Variants in ANKFN1 observed in about 807,000 individuals in gnomAD.
The protein encoded by ANKFN1 is ankyrin repeat and fibronectin type III domain containing 1.
A neutral mutation model predicts 108.7 loss-of-function variants in ANKFN1; 74 were observed. That is an observed-to-expected ratio of 0.68 (90% CI 0.56 to 0.83). The LOEUF is 0.83. ANKFN1 is among the 40% of genes least tolerant of loss of function. The probability of loss-of-function intolerance (pLI) is 0.00; values close to 1 mark genes in which losing one functional copy is unlikely to be tolerated. For synonymous variants in ANKFN1, 547 were observed against 516.2 expected (o/e 1.06, Z -0.81); for missense variants, 1,505 against 1,382.3 (o/e 1.09, Z -1.41).
intron 8 of ANKFN1, among the ~76,000 whole-genome samples, chr17:56,420,534 A>G (rs2048367845): frequency 6.6e-6 from 1 of 152,172 alleles, no homozygotes; most frequent in African/African-American, 2.4e-5. Flanking sequence ...AATTATACCT[A>G]GGGTGCAGGT....
At position 56,319,928 on chromosome 17, in the gene ANKFN1, T is replaced by G. The variant is rs1052874236; in HGVS notation, c.54-6293T>G. On this transcript the variant is annotated intron_variant, in intron 3 of 20. Coordinates refer to ENST00000682825, the MANE Select transcript of ANKFN1 (RefSeq NM_001370326.1). Reference sequence around the variant, plus strand: ...ATGTATTATATTTCTTATTATATTATTATACATATTATGTATTATTTCTTA... The same window carrying G: ...ATGTATTATATTTCTTATTATATTAGTATACATATTATGTATTATTTCTTA... 3.3e-5 allele frequency among the ~76,000 whole-genome samples: 5 copies of G among 152,264 alleles called. No homozygotes were observed. The East Asian group carries it at 9.6e-4, about 29-fold the overall frequency.
chr17:56,350,965 G>A lies in ANKFN1; in HGVS notation c.388G>A (p.Val130Met). 2.5e-6 allele frequency: 4 copies of A among 1,613,124 alleles called. No homozygotes were observed. Among genetic ancestry groups the A allele is most frequent in the Non-Finnish European group, 3.4e-6 (4 of 1,179,596 alleles). ...TCGGCTGAGTCTCAGGAAGACCTCG[G>A]TGGTAACAAAACTGTTTTTATTCTT... ...TDRLSLRKTS[V>M]NFQGNEAMFE... is the part of the protein sequence containing the mutation. The change falls in exon 5 of 21, where the codon GTG becomes ATG. Residue 130 changes from valine to methionine, a missense_variant and splice_region_variant. Transcript: ENST00000682825.
rs1003313194 is a variant in ANKFN1 at position 56,512,808 on chromosome 17, C to T, written c.*1539C>T. 2.0e-5 allele frequency among the ~76,000 whole-genome samples: 3 copies of T among 152,202 alleles called. No homozygotes were observed. The highest frequency in any genetic ancestry group is 4.1e-4 in the South Asian group (2 of 4,830). Reference sequence around the variant, plus strand: ...GATTTAAACATAAATAATTACCCTGCTGCAAAGGTACAGATTTGGCCCATG... The same window carrying T: ...GATTTAAACATAAATAATTACCCTGTTGCAAAGGTACAGATTTGGCCCATG... On this transcript the variant is annotated 3_prime_UTR_variant, in exon 21 of 21. Transcript: ENST00000682825.
At chr17:56,416,760 G>T (rs551921906) in intron 8 of ANKFN1, among the ~76,000 whole-genome samples, 4 of 152,300 alleles carry the variant, frequency 2.6e-5, no homozygotes, top group African/African-American at 7.2e-5. Context: ...GCACTCCCAT[G>T]CTTGTTGCAG....
At chr17:56,079,998 G>A (rs9895591) in intron 4 of ANKFN1, among the ~76,000 whole-genome samples, 6,335 of 152,184 alleles carry the variant, frequency 0.042, 432 homozygotes, top group African/African-American at 0.15. Context: ...TCACAAAAGC[G>A]GAGAGATGAA....
chr17:56,478,724 G>GA (rs143829540), intron 16 of ANKFN1, among the ~76,000 whole-genome samples: 17,634 of 145,656 alleles, frequency 0.12, 1,534 homozygotes, highest in African/African-American at 0.25. Flanking sequence ...GAATAGACAA[G>GA]AAAAAAAAAA....
rs1235502209 is a variant in ANKFN1, at chr17:56,445,923, G to A, written c.1099+2990G>A. ...ACCAGAACAGTGAGCTGTATTATGT[G>A]ACACAATCTGCTCTTTTCCTACCAT... On this transcript the variant is annotated intron_variant, in intron 10 of 20. Coordinates refer to ENST00000682825, the MANE Select transcript of ANKFN1 (RefSeq NM_001370326.1). 2.0e-5 allele frequency among the ~76,000 whole-genome samples: 3 copies of A among 152,124 alleles called. No homozygotes were observed. The East Asian group carries it at 5.8e-4, about 29-fold the overall frequency.
chr17:56,220,816 AAGG>A (rs1439742078), intron 2 of ANKFN1, among the ~76,000 whole-genome samples: 2 of 66,212 alleles, frequency 3.0e-5, no homozygotes, highest in Non-Finnish European at 5.7e-5. Flanking sequence ...GGGAGGAAGG[AAGG>A]AAGGAAGGAA....
At chr17:56,271,925 A>G (rs1430259315) in intron 3 of ANKFN1, among the ~76,000 whole-genome samples, 1 of 152,160 alleles carries the variant, frequency 6.6e-6, no homozygotes, top group East Asian at 1.9e-4. Context: ...ATAATATCAG[A>G]TGTATAAGTA....
chr17:56,350,082 T>G (rs1413451311), intron 4 of ANKFN1, among the ~76,000 whole-genome samples: 2 of 152,194 alleles, frequency 1.3e-5, no homozygotes, highest in Admixed American at 1.3e-4. Flanking sequence ...TAGAGATTTC[T>G]GAAACAATGG....
chr17:56,073,272 G>A (rs1371901798), intron 4 of ANKFN1, among the ~76,000 whole-genome samples: 2 of 152,216 alleles, frequency 1.3e-5, no homozygotes, highest in Non-Finnish European at 2.9e-5. Flanking sequence ...GATTATAGGC[G>A]TGAGCCACCG....
At chr17:56,349,873 G>C (rs2046201880) in intron 4 of ANKFN1, among the ~76,000 whole-genome samples, 1 of 152,164 alleles carries the variant, frequency 6.6e-6, no homozygotes, top group South Asian at 2.1e-4. Context: ...CTACCAGGGA[G>C]ACACTTTGCA....
chr17:56,480,530 T>C lies in ANKFN1; in HGVS notation c.1941-138T>C, dbSNP rs1598693984. Reference sequence around the variant, plus strand: ...TAAGCTCCATTTGGGTGGCAAAATGTTCAAATTTCATGAATTACACTGAGT... The same window carrying C: ...TAAGCTCCATTTGGGTGGCAAAATGCTCAAATTTCATGAATTACACTGAGT... On this transcript the variant is annotated intron_variant, in intron 16 of 20. Coordinates refer to ENST00000682825, the MANE Select transcript of ANKFN1 (RefSeq NM_001370326.1). 2.1e-5 allele frequency: 20 copies of C among 930,578 alleles called. No homozygotes were observed. The East Asian group carries it at 5.1e-4, about 24-fold the overall frequency. 57.6% of individuals were successfully genotyped at this position (930,578 alleles called of 1,614,324 possible).
At chr17:56,412,233 G>T (rs528858147) in intron 8 of ANKFN1, among the ~76,000 whole-genome samples, 59 of 152,056 alleles carry the variant, frequency 3.9e-4, no homozygotes, top group African/African-American at 1.4e-3. Context: ...CTGGGAATTC[G>T]CCATTTCTTC....
At chr17:56,503,528 T>G (rs922218184) in intron 20 of ANKFN1, among the ~76,000 whole-genome samples, 4 of 121,452 alleles carry the variant, frequency 3.3e-5, no homozygotes, top group African/African-American at 8.7e-5. Flanking sequence ...TATATATATA[T>G]AGACAGTGGT....
rs72833901 is a variant in ANKFN1, at chr17:56,439,816, G to A, written c.911-511G>A. Among the ~76,000 whole-genome samples, 278 of 152,218 alleles carry A rather than the reference G, an allele frequency of 1.8e-3. 1 individual carries two copies. The highest frequency in any genetic ancestry group is 2.4e-3 in the Non-Finnish European group (162 of 68,006). ...GAAGCAGATGTCAGACTTGGAGAGC[G>A]AATAGAAGGTAATGTCCTAGTGGAT... On this transcript the variant is annotated intron_variant, in intron 8 of 20. Coordinates refer to ENST00000682825, the MANE Select transcript of ANKFN1 (RefSeq NM_001370326.1).
chr17:56,397,454 G>A (rs960247093), intron 8 of ANKFN1, among the ~76,000 whole-genome samples: 1 of 152,186 alleles, frequency 6.6e-6, no homozygotes, highest in African/African-American at 2.4e-5. Flanking sequence ...GTTCTACAAA[G>A]TGCTTTAAAT....
chr17:56,480,888 G>GGGGTGTGT (rs1452182063), intron 17 of ANKFN1, 70 bp downstream of exon 17: 1 of 1,337,266 alleles, frequency 7.5e-7, no homozygotes, highest in Middle Eastern at 2.0e-4. Context: ...CATTAAGTGG[G>GGGGTGTGT]GTGTGTGTGT....
chr17:56,216,830 G>A (rs1489961289), intron 2 of ANKFN1, among the ~76,000 whole-genome samples: 2 of 152,140 alleles, frequency 1.3e-5, no homozygotes, highest in African/African-American at 4.8e-5. Flanking sequence ...GGCCTTTCTG[G>A]CCTCCTACAC....
Sources: gnomAD v4.1 joint callset for allele counts (sites outside exome capture counted in the v4.1 genomes callset) on GRCh38, gnomAD v4.1.1 for gene constraint, MANE v1.5 for transcripts, NCBI Gene and HGNC (gene_info 2026-07-23, HGNC 2026-07-21) for gene names.